Variants in PCDHA11 observed in about 807,000 individuals in gnomAD.
PCDHA11 encodes the protein protocadherin alpha-11.
PCDHA11 carries 61 observed loss-of-function variants against 70.3 expected under a neutral mutation model. The ratio of observed to expected loss-of-function variants is 0.87; its 90% confidence interval spans 0.71 to 1.07. The LOEUF (loss-of-function observed/expected upper bound fraction) is 1.07. Among genes scored for constraint, PCDHA11 ranks in the 50% least tolerant of loss-of-function variants. The pLI, the probability that PCDHA11 is intolerant of heterozygous loss-of-function variation, is 0.00. For synonymous variants in PCDHA11, 633 were observed against 555.1 expected (o/e 1.14, Z -1.97); for missense variants, 1,324 against 1,237.5 (o/e 1.07, Z -1.05).
chr5:140,968,855 A>G (rs2096275634), intron 1 of PCDHA11: 2 of 1,614,198 alleles, frequency 1.2e-6, no homozygotes, highest in Non-Finnish European at 1.7e-6. Flanking sequence ...GCATGTTAAG[A>G]GCCCTCGGAC....
At chr5:140,937,284 G>A (rs1473374286) in intron 1 of PCDHA11, among the ~76,000 whole-genome samples, 2 of 151,964 alleles carry the variant, frequency 1.3e-5, no homozygotes, top group South Asian at 2.1e-4. Context: ...TGATTCACCC[G>A]CTTCGGCCTC....
intron 3 of PCDHA11, among the ~76,000 whole-genome samples, chr5:140,996,144 T>C (rs2097714056): frequency 6.6e-6 from 1 of 152,210 alleles, no homozygotes; most frequent in African/African-American, 2.4e-5. Context: ...TCCCATTATC[T>C]TGCCTTCCTT....
In PCDHA11 at chr5:140,869,457, T is replaced by A. The variant is rs1554163081; in HGVS notation, c.354T>A (p.His118Gln). 1.2e-6 allele frequency: 2 copies of A among 1,614,184 alleles called. No individual in the cohort carries two copies. The highest frequency in any genetic ancestry group is 1.7e-6 in the Non-Finnish European group (2 of 1,180,022). Residue 118 changes from histidine to glutamine, a missense_variant, in exon 1 of 4, where the codon CAT (histidine) becomes CAA (glutamine). Physicochemically the swap from His to Gln is conservative, Grantham distance 24. Coordinates refer to ENST00000398640, the MANE Select transcript of PCDHA11 (RefSeq NM_018902.5). ...VIVDRPLQVFHVNVEVKDIND... is the reference protein window; with the variant it reads ...VIVDRPLQVFQVNVEVKDIND... ...TGGACAGGCCGCTGCAGGTTTTCCA[T>A]GTGAACGTGGAGGTGAAGGACATTA... is the stretch of plus-strand genomic sequence containing the variant.
chr5:140,871,688 G>C lies in PCDHA11; in HGVS notation c.2391+194G>C, dbSNP rs868933304. On this transcript the variant is annotated intron_variant, in intron 1 of 3. Coordinates refer to ENST00000398640, the MANE Select transcript of PCDHA11 (RefSeq NM_018902.5). ...GTCTTTTAATCATATGAATAATCTG[G>C]CTTCTTTAACCAATAAATGTCCTAT... 1.9e-5 allele frequency: 20 copies of C among 1,060,782 alleles called. No homozygotes were observed. In the African/African-American group the frequency reaches 2.1e-4, roughly 11 times the overall value. The allele number at this position is 1,060,782 out of a possible 1,614,324, so 65.7% of individuals were successfully genotyped here. A position where few individuals can be genotyped will look rare whatever the true frequency, so the allele number is the denominator to read the frequency against.
At chr5:140,914,788 T>G (rs2076845575) in intron 1 of PCDHA11, among the ~76,000 whole-genome samples, 1 of 152,192 alleles carries the variant, frequency 6.6e-6, no homozygotes, top group South Asian at 2.1e-4. Context: ...TTATGACCCA[T>G]TATTTTAAAC....
At chr5:140,899,789 G>A (rs1200461877) in intron 1 of PCDHA11, among the ~76,000 whole-genome samples, 17 of 152,024 alleles carry the variant, frequency 1.1e-4, no homozygotes, top group Admixed American at 9.8e-4. Context: ...GGTATAATTC[G>A]GCTGTGAATC....
At chr5:140,885,016 T>C (rs1554181958) in intron 1 of PCDHA11, among the ~76,000 whole-genome samples, 1 of 152,244 alleles carries the variant, frequency 6.6e-6, no homozygotes. Flanking sequence ...CTAATCGTAA[T>C]CTTAAATTTA....
intron 1 of PCDHA11, chr5:140,875,534 T>G (rs114654172): frequency 0.025 from 39,957 of 1,614,138 alleles, 601 homozygotes; most frequent in Non-Finnish European, 0.03. Flanking sequence ...CTTCTGCTCC[T>G]TGCAGCCTGG....
intron 3 of PCDHA11, among the ~76,000 whole-genome samples, chr5:141,000,397 A>C (rs590627): frequency 0.074 from 4,330 of 58,694 alleles, 135 homozygotes; most frequent in Non-Finnish European, 0.096. Flanking sequence ...CTCTCTCTCT[A>C]TATATATATA....
At chr5:140,967,142 C>T in intron 1 of PCDHA11, 1 of 1,611,304 alleles carries the variant, frequency 6.2e-7, no homozygotes, top group Non-Finnish European at 8.5e-7. Flanking sequence ...AGTGCTGGCG[C>T]ACAACCCCGT....
intron 1 of PCDHA11, among the ~76,000 whole-genome samples, chr5:140,978,103 A>G (rs2096789005): frequency 6.6e-6 from 1 of 152,106 alleles, no homozygotes; most frequent in South Asian, 2.1e-4. Flanking sequence ...AACTCCCCCA[A>G]CAGTCTTTAA....
In PCDHA11 at chr5:140,884,064, C is replaced by A. The variant is rs150717183; in HGVS notation, c.2391+12570C>A. On this transcript the variant is annotated intron_variant, in intron 1 of 3. Transcript: ENST00000398640. ...GTGGCGAAGGTGCGCGCGGTGGACGCCGATTCGGGCTACAATGCGTGGCTT... is the reference window on the plus strand; with the variant it reads ...GTGGCGAAGGTGCGCGCGGTGGACGACGATTCGGGCTACAATGCGTGGCTT... 2.3e-3 allele frequency: 3,707 copies of A among 1,613,502 alleles called. 15 individuals carry two copies. Among genetic ancestry groups the A allele is most frequent in the Middle Eastern group, 9.0e-3 (54 of 5,970 alleles).
At position 140,953,007 on chromosome 5, in the gene PCDHA11, T is replaced by C. The variant is rs186896706; in HGVS notation, c.2392-25942T>C. ...TCTCATGAGAACTCTCTCACTATTA[T>C]GAGAACAACATTAAGGGGGAAATCC... On this transcript the variant is annotated intron_variant, in intron 1 of 3. Transcript: ENST00000398640. 5.5e-4 allele frequency among the ~76,000 whole-genome samples: 84 copies of C among 152,242 alleles called. 1 individual carries two copies. In the East Asian group the frequency reaches 0.015, roughly 27 times the overall value.
At chr5:140,983,463 C>T (rs1554245464) in intron 3 of PCDHA11, among the ~76,000 whole-genome samples, 1 of 152,208 alleles carries the variant, frequency 6.6e-6, no homozygotes, top group Non-Finnish European at 1.5e-5. Flanking sequence ...AATAGAACAT[C>T]ATGATGATAA....
At chr5:140,876,143 G>A in intron 1 of PCDHA11, 1 of 1,613,870 alleles carries the variant, frequency 6.2e-7, no homozygotes, top group South Asian at 1.1e-5. Flanking sequence ...GAACTAACAG[G>A]GTCTGTCCAG....
chr5:140,953,034 C>T (rs1337571700), intron 1 of PCDHA11, among the ~76,000 whole-genome samples: 1 of 152,168 alleles, frequency 6.6e-6, no homozygotes, highest in Non-Finnish European at 1.5e-5. Context: ...GGGAAATCCA[C>T]CCCCATGATC....
intron 3 of PCDHA11, among the ~76,000 whole-genome samples, chr5:141,000,387 CTCTCTCTCTATATATATATA>C (rs1348939997): frequency 1.5e-5 from 1 of 66,898 alleles, no homozygotes; most frequent in Non-Finnish European, 2.8e-5. Context: ...CTCTCTCTCT[CTCTCTCTCTATATATATATA>C]TATATATATA....
chr5:140,876,206 C>T, intron 1 of PCDHA11: 1 of 1,613,864 alleles, frequency 6.2e-7, no homozygotes, highest in South Asian at 1.1e-5. Context: ...TTTGATAAGC[C>T]CAGCTATAAA....
At chr5:140,876,449 G>T (rs1396307044) in intron 1 of PCDHA11, 1 of 1,613,880 alleles carries the variant, frequency 6.2e-7, no homozygotes, top group Non-Finnish European at 8.5e-7. Context: ...ATTGATAAAG[G>T]GATTCCTTCC....
Sources: allele counts gnomAD v4.1 joint callset (sites outside exome capture counted in the v4.1 genomes callset), GRCh38; gene constraint gnomAD v4.1.1; transcripts MANE v1.5; gene names NCBI Gene and HGNC (gene_info 2026-07-23, HGNC 2026-07-21).